The following SMCHD1 variants were observed in gnomAD, a reference collection of about 807,000 sequenced individuals.
SMCHD1 encodes the protein structural maintenance of chromosomes flexible hinge domain-containing protein 1.
Under a neutral mutation model 254.7 loss-of-function variants are expected in SMCHD1, and 78 were observed. That is an observed-to-expected ratio of 0.31 (90% CI 0.26 to 0.37). The LOEUF is 0.37. Among genes scored for constraint, SMCHD1 ranks in the 10% least tolerant of loss-of-function variants. The pLI, the probability that SMCHD1 is intolerant of heterozygous loss-of-function variation, is 1.00. For missense variants in SMCHD1, 1,840 were observed against 2,408.1 expected, an observed-to-expected ratio of 0.76 and a Z score of 4.94; for synonymous variants, 766 against 794.9, an observed-to-expected ratio of 0.96 and a Z score of 0.61.
At chr18:2,727,777 G>A (rs2075054136) in intron 22 of SMCHD1, among the ~76,000 whole-genome samples, 2 of 151,984 alleles carry the variant, frequency 1.3e-5, no homozygotes, top group Admixed American at 1.3e-4. Flanking sequence ...ACTTAGCACA[G>A]TGCTTCATAT....
intron 34 of SMCHD1, 46 bp from the exon 35 acceptor site, chr18:2,760,606 C>T: frequency 1.9e-6 from 2 of 1,079,844 alleles, no homozygotes; most frequent in Non-Finnish European, 2.9e-6. Context: ...TTCCTTCCCC[C>T]TTTATACAAA....
At chr18:2,760,619 T>C in intron 34 of SMCHD1, 33 bp from the exon 35 acceptor site, 2 of 1,179,076 alleles carry the variant, frequency 1.7e-6, no homozygotes, top group Non-Finnish European at 2.5e-6. Flanking sequence ...TATACAAACA[T>C]TGTCAGTAAT....
chr18:2,732,247 G>A lies in SMCHD1; in HGVS notation c.3049-18G>A, dbSNP rs1226909271. 1 of 1,596,182 alleles carries A rather than the reference G, an allele frequency of 6.3e-7. No individual in the cohort carries two copies. The highest frequency in any genetic ancestry group is 1.3e-5 in the African/African-American group (1 of 74,310). On this transcript the variant is annotated intron_variant, in intron 24 of 47. Coordinates refer to ENST00000320876, the MANE Select transcript of SMCHD1 (RefSeq NM_015295.3). Reference sequence around the variant, plus strand: ...AGTACAGATATCACTCAGTGTTTGTGTTTTCTTCTCTTTCTAGAGTTGTAA... The same window carrying A: ...AGTACAGATATCACTCAGTGTTTGTATTTTCTTCTCTTTCTAGAGTTGTAA...
At position 2,804,660 on chromosome 18, in the gene SMCHD1, T is replaced by C. The variant is rs1432574247; in HGVS notation, c.*2108T>C. 6.6e-6 allele frequency: 1 copy of C among 152,214 alleles called. No homozygotes were observed. Among genetic ancestry groups the C allele is most frequent in the South Asian group, 2.1e-4 (1 of 4,834 alleles). 9.4% of individuals were successfully genotyped at this position (152,214 alleles called of 1,614,324 possible). ...TTCTATATTTTCACAGTTGGATTTA[T>C]CTAAGGATATTTCTCAGCATATTAA... On this transcript the variant is annotated 3_prime_UTR_variant, in exon 48 of 48. Transcript: ENST00000320876.
In SMCHD1 at chr18:2,656,191, A is replaced by C. The variant is rs990903424; in HGVS notation, c.116A>C (p.Glu39Ala). ...TTTGATCGGCGCGAAAAGGAGTCCG[A>C]GCTCGGGGACCGGCCTCTGCAGGTC... ...YLFDRREKES[E>A]LGDRPLQVGE... The change falls in exon 1 of 48, where the codon GAG (glutamate) becomes GCG (alanine). Residue 39 changes from glutamate to alanine, a missense_variant. Physicochemically the swap from Glu to Ala is moderately radical, Grantham distance 107. This residue lies in a region of SMCHD1 where 115 missense variants were observed against 99.1 expected (regional missense o/e 1.16). Transcript: ENST00000320876. 2 of 1,506,014 alleles carry C rather than the reference A, an allele frequency of 1.3e-6. No individual in the cohort carries two copies. The highest frequency in any genetic ancestry group is 2.9e-5 in the African/African-American group (2 of 68,198). 93.3% of individuals were successfully genotyped at this position (1,506,014 alleles called of 1,614,324 possible). A position where few individuals can be genotyped will look rare whatever the true frequency, so the allele number is the denominator to read the frequency against.
intron 1 of SMCHD1, among the ~76,000 whole-genome samples, chr18:2,665,561 C>T (rs1047685136): frequency 1.1e-4 from 17 of 152,174 alleles, no homozygotes; most frequent in African/African-American, 3.9e-4. Flanking sequence ...CCTTGTGATC[C>T]GACGGCCTCA....
chr18:2,737,831 A>G (rs546019654), intron 25 of SMCHD1, among the ~76,000 whole-genome samples: 1 of 152,368 alleles, frequency 6.6e-6, no homozygotes, highest in South Asian at 2.1e-4. Context: ...GTTTAAAAGT[A>G]AGTACAGAGT....
In SMCHD1 at chr18:2,749,961, A is replaced by G. The variant is rs1391787894; in HGVS notation, c.3928-82A>G. Reference sequence around the variant, plus strand: ...CTGCTTTTAAAATAGGAATAGAGGGAAAGAACATTGTAATGGAAGAAAAGA... The same window carrying G: ...CTGCTTTTAAAATAGGAATAGAGGGGAAGAACATTGTAATGGAAGAAAAGA... On this transcript the variant is annotated intron_variant, in intron 30 of 47. Coordinates refer to ENST00000320876, the MANE Select transcript of SMCHD1 (RefSeq NM_015295.3). 5.7e-6 allele frequency: 7 copies of G among 1,235,810 alleles called. No homozygotes were observed. In the East Asian group the frequency reaches 1.5e-4, roughly 27 times the overall value. 76.6% of individuals were successfully genotyped at this position (1,235,810 alleles called of 1,614,324 possible).
In SMCHD1 at chr18:2,766,806, T is replaced by G. The variant is rs181850340; in HGVS notation, c.4720-2888T>G. 2.6e-5 allele frequency among the ~76,000 whole-genome samples: 4 copies of G among 152,322 alleles called. No individual in the cohort carries two copies. The East Asian group carries it at 7.7e-4, about 29-fold the overall frequency. ...TGTTTCTCATATGCCAAATTTCCGT[T>G]TATACTTGGATCCAGTTTGGGACTC... On this transcript the variant is annotated intron_variant, in intron 37 of 47. Transcript: ENST00000320876.
chr18:2,758,055 T>G (rs2075716124), intron 34 of SMCHD1, among the ~76,000 whole-genome samples: 1 of 152,148 alleles, frequency 6.6e-6, no homozygotes, highest in Non-Finnish European at 1.5e-5. Flanking sequence ...CATATATAGA[T>G]AGATAGATAG....
chr18:2,679,391 G>A (rs1478371017), intron 5 of SMCHD1, among the ~76,000 whole-genome samples: 2 of 143,874 alleles, frequency 1.4e-5, no homozygotes, highest in Admixed American at 7.2e-5. Context: ...CAGGAGAATG[G>A]CGTGAACCCG....
At chr18:2,676,026 T>C (rs2073740444) in intron 5 of SMCHD1, among the ~76,000 whole-genome samples, 1 of 152,188 alleles carries the variant, frequency 6.6e-6, no homozygotes, top group Non-Finnish European at 1.5e-5. Flanking sequence ...CTTGACCCAC[T>C]CTAATTTCTA....
chr18:2,729,282 G>A lies in SMCHD1; in HGVS notation c.2921G>A (p.Gly974Asp). The change falls in exon 24 of 48, where the codon GGT (glycine) becomes GAT (aspartate). Residue 974 changes from glycine (G) to aspartate (D), a missense_variant. Transcript: ENST00000320876. ...PKLIVHCKFS[G>D]APNLPVYVVD... The stretch of plus-strand genomic sequence containing the variant: ...TTTTCATCTTTCAAATAGTTTTCAG[G>A]TGCTCCAAACCTTCCAGTCTATGTT... 6.8e-7 allele frequency: 1 copy of A among 1,475,914 alleles called. No homozygotes were observed. Among genetic ancestry groups the A allele is most frequent in the East Asian group, 2.5e-5 (1 of 40,136 alleles). 91.4% of individuals were successfully genotyped at this position (1,475,914 alleles called of 1,614,324 possible). A position where few individuals can be genotyped will look rare whatever the true frequency, so the allele number is the denominator to read the frequency against.
At chr18:2,740,605 C>G in intron 27 of SMCHD1, 98 bp from the exon 28 acceptor site, 1 of 515,840 alleles carries the variant, frequency 1.9e-6, no homozygotes, top group East Asian at 3.4e-5. Flanking sequence ...AGTAAGAGAA[C>G]AAAGAGTAAG....
chr18:2,770,827 G>C (rs890803209), intron 39 of SMCHD1, among the ~76,000 whole-genome samples: 2 of 151,972 alleles, frequency 1.3e-5, no homozygotes, highest in South Asian at 4.2e-4. Flanking sequence ...CACCATGTTG[G>C]CCGGGCTGGT....
At chr18:2,790,803 A>C (rs182901467) in intron 45 of SMCHD1, among the ~76,000 whole-genome samples, 1 of 152,214 alleles carries the variant, frequency 6.6e-6, no homozygotes, top group African/African-American at 2.4e-5. Context: ...AAATAATTCA[A>C]ATGTCCCTAG....
chr18:2,738,340 C>T, intron 25 of SMCHD1, 57 bp from the exon 26 acceptor site: 1 of 1,395,480 alleles, frequency 7.2e-7, no homozygotes, highest in Admixed American at 2.7e-5. Context: ...AGATAAGTGG[C>T]AGTAAGAGAA....
intron 44 of SMCHD1, among the ~76,000 whole-genome samples, chr18:2,781,489 G>T (rs748531776): frequency 3.3e-5 from 5 of 152,056 alleles, no homozygotes; most frequent in Non-Finnish European, 1.5e-5. Flanking sequence ...TTTTTGAATG[G>T]AAATAATTTC....
chr18:2,774,516 A>T (rs1465338467), intron 41 of SMCHD1, among the ~76,000 whole-genome samples: 2 of 152,034 alleles, frequency 1.3e-5, no homozygotes, highest in Admixed American at 1.3e-4. Flanking sequence ...AGCTCAGGTC[A>T]TCCTCCCACC....
Sources: allele counts gnomAD v4.1 joint callset (sites outside exome capture counted in the v4.1 genomes callset), GRCh38; gene constraint gnomAD v4.1.1; regional missense constraint gnomAD v4.1.1; transcripts MANE v1.5; gene names NCBI Gene and HGNC (gene_info 2026-07-23, HGNC 2026-07-21).